The following THADA variants were observed in gnomAD, a reference collection of about 807,000 sequenced individuals.
The protein encoded by THADA is tRNA (32-2'-O)-methyltransferase regulator THADA.
A neutral mutation model predicts 219.8 loss-of-function variants in THADA; 213 were observed. The observed-to-expected ratio is 0.97, with a 90% CI of 0.87 to 1.09. The LOEUF (loss-of-function observed/expected upper bound fraction) is 1.09. Ranked by LOEUF, THADA falls within the 50% of genes least tolerant of loss-of-function variation. The pLI, the probability that THADA is intolerant of heterozygous loss-of-function variation, is 0.00. For synonymous variants in THADA, 1,018 were observed against 828.9 expected (o/e 1.23, Z -3.92); for missense variants, 2,956 against 2,311.3 (o/e 1.28, Z -5.72).
intron 22 of THADA, among the ~76,000 whole-genome samples, chr2:43,515,060 ATATATTT>A (rs1691236251): frequency 2.0e-5 from 1 of 48,974 alleles, no homozygotes; most frequent in African/African-American, 8.8e-5. Flanking sequence ...TTTATATATA[ATATATTT>A]TATATATAAT....
intron 24 of THADA, among the ~76,000 whole-genome samples, chr2:43,505,095 C>T (rs6544666): frequency 0.14 from 21,357 of 151,992 alleles, 1,993 homozygotes; most frequent in African/African-American, 0.27. Context: ...AAGGTAGATA[C>T]CATATTTAAA....
chr2:43,592,909 A>T (rs1430210334), intron 1 of THADA: 1 of 152,240 alleles, frequency 6.6e-6, no homozygotes, highest in African/African-American at 2.4e-5. Flanking sequence ...ATGAAAAAAA[A>T]TATTTTTTTA....
At chr2:43,594,662 T>C (rs561801389) in intron 1 of THADA, among the ~76,000 whole-genome samples, 1 of 152,300 alleles carries the variant, frequency 6.6e-6, no homozygotes, top group African/African-American at 2.4e-5. Context: ...TGACCCTGCC[T>C]TCCTCCACTC....
chr2:43,316,868 G>C (rs1480626170), intron 31 of THADA, among the ~76,000 whole-genome samples: 3 of 152,166 alleles, frequency 2.0e-5, no homozygotes, highest in Non-Finnish European at 2.9e-5. Context: ...CGGAAGTTTT[G>C]GTAAGCCGAG....
chr2:43,417,734 G>C (rs1677174534), intron 28 of THADA, among the ~76,000 whole-genome samples: 1 of 152,190 alleles, frequency 6.6e-6, no homozygotes, highest in Non-Finnish European at 1.5e-5. Context: ...TTAAGAGCTA[G>C]AATAGCTAAA....
intron 28 of THADA, among the ~76,000 whole-genome samples, chr2:43,427,783 C>T (rs1275773411): frequency 6.7e-6 from 1 of 149,208 alleles, no homozygotes; most frequent in Non-Finnish European, 1.5e-5. Flanking sequence ...AGTGAAACCC[C>T]ATCTCTACTA....
intron 22 of THADA, 100 bp downstream of exon 22, chr2:43,527,779 A>T: frequency 1.3e-6 from 1 of 795,172 alleles, no homozygotes; most frequent in Non-Finnish European, 2.0e-6. Flanking sequence ...ACCAGGTCTT[A>T]TTCTTTTAAA....
intron 36 of THADA, among the ~76,000 whole-genome samples, chr2:43,256,525 C>T (rs1276974564): frequency 6.6e-6 from 1 of 151,958 alleles, no homozygotes; most frequent in Non-Finnish European, 1.5e-5. Flanking sequence ...GATCCTCCTA[C>T]CTCAGCCTCC....
At chr2:43,458,396 T>C (rs571044862) in intron 26 of THADA, among the ~76,000 whole-genome samples, 11 of 152,188 alleles carry the variant, frequency 7.2e-5, no homozygotes, top group Admixed American at 2.0e-4. Flanking sequence ...TCATCAGATA[T>C]GTAACTTGGG....
At chr2:43,394,218 G>A (rs1056398578) in intron 29 of THADA, among the ~76,000 whole-genome samples, 2 of 152,114 alleles carry the variant, frequency 1.3e-5, no homozygotes, top group Non-Finnish European at 2.9e-5. Flanking sequence ...TCTCAACACA[G>A]CAATTATGAA....
chr2:43,590,434 T>C (rs1290287139), intron 4 of THADA, among the ~76,000 whole-genome samples: 1 of 151,892 alleles, frequency 6.6e-6, no homozygotes, highest in Non-Finnish European at 1.5e-5. Flanking sequence ...TCCCATCACT[T>C]TGGGAGGCTG....
chr2:43,432,124 G>A (rs1679430465), intron 26 of THADA, among the ~76,000 whole-genome samples: 1 of 141,126 alleles, frequency 7.1e-6, no homozygotes, highest in Admixed American at 6.8e-5. Flanking sequence ...CCAAAGTGCT[G>A]GGATTACAGG....
intron 28 of THADA, among the ~76,000 whole-genome samples, chr2:43,411,738 AAAT>A (rs1246875409): frequency 6.6e-6 from 1 of 152,180 alleles, no homozygotes; most frequent in Non-Finnish European, 1.5e-5. Flanking sequence ...CACTAATTAA[AAAT>A]ATACTAGTGT....
intron 29 of THADA, among the ~76,000 whole-genome samples, chr2:43,367,675 G>C (rs187491663): frequency 1.3e-5 from 2 of 152,312 alleles, no homozygotes; most frequent in East Asian, 3.9e-4. Flanking sequence ...TGTGGGGAAA[G>C]GAACAATTAT....
chr2:43,453,359 A>G (rs1682597717), intron 26 of THADA, among the ~76,000 whole-genome samples: 1 of 152,214 alleles, frequency 6.6e-6, no homozygotes, highest in Non-Finnish European at 1.5e-5. Flanking sequence ...ATAATTTTCA[A>G]CAGATTGGCT....
chr2:43,550,232 GA>G (rs1696591045), intron 19 of THADA, among the ~76,000 whole-genome samples: 1 of 152,164 alleles, frequency 6.6e-6, no homozygotes, highest in Non-Finnish European at 1.5e-5. Context: ...GTAATCATCT[GA>G]AATCAATTAA....
chr2:43,256,536 G>A (rs1011680755), intron 36 of THADA, among the ~76,000 whole-genome samples: 1 of 149,874 alleles, frequency 6.7e-6, no homozygotes, highest in African/African-American at 2.5e-5. Context: ...CTCAGCCTCC[G>A]AAGTAGCTGG....
At chr2:43,355,585 G>A (rs1248418127) in intron 29 of THADA, among the ~76,000 whole-genome samples, 1 of 152,126 alleles carries the variant, frequency 6.6e-6, no homozygotes, top group Admixed American at 6.6e-5. Context: ...CAAGGCCAAC[G>A]TCAAGGTTTC....
At chr2:43,459,175 C>T (rs1229927721) in intron 26 of THADA, among the ~76,000 whole-genome samples, 1 of 152,138 alleles carries the variant, frequency 6.6e-6, no homozygotes, top group Non-Finnish European at 1.5e-5. Flanking sequence ...TGACAAGGTC[C>T]CCAGCTCACT....
Sources: allele counts gnomAD v4.1 joint callset (sites outside exome capture counted in the v4.1 genomes callset), GRCh38; gene constraint gnomAD v4.1.1; transcripts MANE v1.5; gene names NCBI Gene and HGNC (gene_info 2026-07-23, HGNC 2026-07-21).